MMS19: variants seen among roughly 807,000 people sequenced by gnomAD.
The protein encoded by MMS19 is MMS19 cytosolic iron-sulfur assembly component.
In MMS19, 77 loss-of-function variants were observed where a neutral mutation model predicts 129.8. The ratio of observed to expected loss-of-function variants is 0.59; its 90% CI spans 0.49 to 0.72. The LOEUF is 0.72. MMS19 is among the 30% of genes least tolerant of loss of function. The pLI, the probability that MMS19 is intolerant of heterozygous loss-of-function variation, is 0.00. For synonymous variants in MMS19, 491 were observed against 502.8 expected (o/e 0.98, Z 0.31); for missense variants, 1,168 against 1,266.3 (o/e 0.92, Z 1.18).
At chr10:97,496,940 T>C (rs1159618333) in intron 1 of MMS19, among the ~76,000 whole-genome samples, 1 of 152,256 alleles carries the variant, frequency 6.6e-6, no homozygotes, top group East Asian at 1.9e-4. Flanking sequence ...TCCTAAGTGA[T>C]GTGCTCCTTA....
At position 97,461,045 on chromosome 10, in the gene MMS19, A is replaced by G. The variant is rs3740525; in HGVS notation, c.2312-38T>C. 1.9e-3 allele frequency: 2,798 copies of G among 1,471,052 alleles called. 116 individuals carry two copies. The East Asian group carries it at 0.065, about 34-fold the overall frequency. 91.1% of individuals were successfully genotyped at this position (1,471,052 alleles called of 1,614,324 possible). On this transcript the variant is annotated intron_variant, in intron 23 of 30. Coordinates refer to ENST00000438925, the MANE Select transcript of MMS19 (RefSeq NM_022362.5). ...GAGGAAATGCTGACATAAAGGCTAC[A>G]CATTTTCCCTTTAGCAATGAAATGC...
At chr10:97,465,612 T>A (rs370893465) in intron 18 of MMS19, among the ~76,000 whole-genome samples, 193 bp downstream of exon 18, 1 of 152,376 alleles carries the variant, frequency 6.6e-6, no homozygotes, top group East Asian at 1.9e-4. Context: ...CCGGGTACTC[T>A]TAATAGTACT....
intron 22 of MMS19, 92 bp from the exon 23 acceptor site, chr10:97,461,714 G>T: frequency 6.5e-7 from 1 of 1,547,234 alleles, no homozygotes; most frequent in South Asian, 1.2e-5. Flanking sequence ...GGACGGATGA[G>T]AACTAACTTC....
intron 23 of MMS19, 70 bp from the exon 24 acceptor site, chr10:97,461,077 C>CT (rs1428697805): frequency 9.3e-6 from 12 of 1,284,082 alleles, no homozygotes; most frequent in Non-Finnish European, 1.1e-5. Flanking sequence ...ATGCAAATCA[C>CT]TTTAAGTGCA....
rs146648604 is a variant in MMS19, at chr10:97,469,655, G to T, written c.915C>A (p.Ile305=). Reference sequence around the variant, plus strand: ...TCTGAGTGACACTCACCTCTCTGCGGATAGAAGCCCAAAGGCTGGGGAGGA... The same window carrying T: ...TCTGAGTGACACTCACCTCTCTGCGTATAGAAGCCCAAAGGCTGGGGAGGA... ...KDFLPSLWAS[I]RREVFQTASE... Residue 305 remains isoleucine, a synonymous_variant, in exon 11 of 31, where the codon ATC becomes ATA. Coordinates refer to ENST00000438925, the MANE Select transcript of MMS19 (RefSeq NM_022362.5). 267 of 1,613,570 alleles carry T rather than the reference G, an allele frequency of 1.7e-4. 1 individual carries two copies. In the Middle Eastern group the frequency reaches 2.6e-3, roughly 16 times the overall value.
chr10:97,498,202 C>A (rs556791851), intron 1 of MMS19, 71 bp downstream of exon 1: 3 of 1,398,380 alleles, frequency 2.1e-6, no homozygotes, highest in Non-Finnish European at 1.9e-6. Context: ...CCTTCCCGCC[C>A]GGCGCCTGTA....
At chr10:97,474,833 T>G (rs1033985828) in intron 8 of MMS19, among the ~76,000 whole-genome samples, 1 of 152,160 alleles carries the variant, frequency 6.6e-6, no homozygotes, top group African/African-American at 2.4e-5. Context: ...AATGGGAAAA[T>G]GGACAGTAGC....
At chr10:97,460,871 C>G in intron 24 of MMS19, 36 bp downstream of exon 24, 2 of 1,539,288 alleles carry the variant, frequency 1.3e-6, no homozygotes, top group Non-Finnish European at 1.8e-6. Context: ...ACATAATTGC[C>G]TCTCTGGCTA....
upstream of MMS19, chr10:97,498,622 T>G (rs1248868759): frequency 4.4e-5 from 22 of 497,664 alleles, no homozygotes; most frequent in Non-Finnish European, 6.0e-5. Flanking sequence ...GGGCGAATAA[T>G]TCCCAGCCCG....
chr10:97,473,861 G>T (rs987558368), intron 8 of MMS19, among the ~76,000 whole-genome samples: 1 of 152,090 alleles, frequency 6.6e-6, no homozygotes, highest in Admixed American at 6.5e-5. Context: ...AGAAAAAGTT[G>T]GCCAGGCATG....
chr10:97,458,521 A>G lies in MMS19; in HGVS notation c.*171T>C. The G allele has an allele frequency of 1.6e-6, 1 of 638,958 alleles. No homozygotes were observed. The highest frequency in any genetic ancestry group is 2.8e-5 in the East Asian group (1 of 36,232). The allele number at this position is 638,958 out of a possible 1,614,324, so 39.6% of individuals were successfully genotyped here. A position where few individuals can be genotyped will look rare whatever the true frequency, so the allele number is the denominator to read the frequency against. On this transcript the variant is annotated 3_prime_UTR_variant, in exon 31 of 31. Transcript: ENST00000438925. ...CACTTATTTTACAAATCCACTAGAAATATGGACTCTTATGTTCTTTGTACA... is the reference window on the plus strand; with the variant it reads ...CACTTATTTTACAAATCCACTAGAAGTATGGACTCTTATGTTCTTTGTACA...
In MMS19 at chr10:97,462,460, C is replaced by T. The variant is rs951762633; in HGVS notation, c.2012+123G>A. On this transcript the variant is annotated intron_variant, in intron 20 of 30. Coordinates refer to ENST00000438925, the MANE Select transcript of MMS19 (RefSeq NM_022362.5). ...TGTTTTGTCAACAAAACTTACAAGACGATTAACTGCACCACATTTACATAT... is the reference window on the plus strand; with the variant it reads ...TGTTTTGTCAACAAAACTTACAAGATGATTAACTGCACCACATTTACATAT... 5.2e-5 allele frequency: 37 copies of T among 712,086 alleles called. No homozygotes were observed. The East Asian group carries it at 7.5e-4, about 15-fold the overall frequency. 44.1% of individuals were successfully genotyped at this position (712,086 alleles called of 1,614,324 possible). A position where few individuals can be genotyped will look rare whatever the true frequency, so the allele number is the denominator to read the frequency against.
chr10:97,459,129 C>G, intron 29 of MMS19, 94 bp downstream of exon 29: 1 of 1,233,010 alleles, frequency 8.1e-7, no homozygotes, highest in Non-Finnish European at 1.1e-6. Flanking sequence ...CAATTACACA[C>G]CAGGGTGGCC....
At chr10:97,473,215 T>C (rs1388138448) in intron 8 of MMS19, among the ~76,000 whole-genome samples, 2 of 151,990 alleles carry the variant, frequency 1.3e-5, no homozygotes, top group Non-Finnish European at 2.9e-5. Context: ...TTTGTATTTC[T>C]AGTAGAGACG....
chr10:97,493,423 T>G (rs915806099), intron 1 of MMS19, among the ~76,000 whole-genome samples: 5 of 152,112 alleles, frequency 3.3e-5, no homozygotes, highest in Non-Finnish European at 7.4e-5. Flanking sequence ...ACAAAAAAAT[T>G]AGCCAGGTGT....
chr10:97,471,143 A>G (rs2034603614), intron 8 of MMS19, among the ~76,000 whole-genome samples: 1 of 152,238 alleles, frequency 6.6e-6, no homozygotes, highest in Non-Finnish European at 1.5e-5. Flanking sequence ...TCGCTGATAT[A>G]TATTGTTACT....
At chr10:97,464,234 T>C (rs2032823822) in intron 18 of MMS19, among the ~76,000 whole-genome samples, 1 of 152,134 alleles carries the variant, frequency 6.6e-6, no homozygotes, top group Non-Finnish European at 1.5e-5. Flanking sequence ...GAAGCACTTG[T>C]ATATATTCTC....
chr10:97,498,585 G>T (rs192621161), upstream of MMS19: 2 of 609,482 alleles, frequency 3.3e-6, no homozygotes, highest in Non-Finnish European at 2.7e-6. Flanking sequence ...GAAGGCGGCT[G>T]CTGGGCACGC....
chr10:97,471,442 A>T lies in MMS19; in HGVS notation c.685-581T>A, dbSNP rs534087360. Among the ~76,000 whole-genome samples the T allele has an allele frequency of 4.6e-5, 7 of 152,232 alleles. No individual in the cohort carries two copies. The South Asian group carries it at 8.3e-4, about 18-fold the overall frequency. ...TACCAAGACGACAGACTGAAAACAT[A>T]TATCAGGTTTTCCTTTTCCTCTTTG... is the stretch of plus-strand genomic sequence containing the variant. On this transcript the variant is annotated intron_variant, in intron 8 of 30. Transcript: ENST00000438925.
Sources: allele counts gnomAD v4.1 joint callset (sites outside exome capture counted in the v4.1 genomes callset), GRCh38; gene constraint gnomAD v4.1.1; transcripts MANE v1.5; gene names NCBI Gene and HGNC (gene_info 2026-07-23, HGNC 2026-07-21).